CLEC16A: variants seen among roughly 807,000 people sequenced by gnomAD.
The protein encoded by CLEC16A is protein CLEC16A.
Under a neutral mutation model 109.5 loss-of-function variants are expected in CLEC16A, and 51 were observed. The observed-to-expected ratio is 0.47, with a 90% CI of 0.37 to 0.59. The LOEUF (loss-of-function observed/expected upper bound fraction) is 0.59, where lower values mean the gene tolerates loss of function less well. Among genes scored for constraint, CLEC16A ranks in the 20% least tolerant of loss-of-function variants. The pLI is 0.00. For synonymous variants in CLEC16A, 673 were observed against 564.2 expected (o/e 1.19, Z -2.73); for missense variants, 1,339 against 1,394.0 (o/e 0.96, Z 0.63).
At chr16:10,969,711 A>G (rs2042689923) in intron 4 of CLEC16A, among the ~76,000 whole-genome samples, 1 of 152,156 alleles carries the variant, frequency 6.6e-6, no homozygotes, top group Non-Finnish European at 1.5e-5. Flanking sequence ...GGTAGAGAGG[A>G]GACATGCCCA....
At chr16:11,017,490 C>G (rs9935174) in intron 11 of CLEC16A, among the ~76,000 whole-genome samples, 1 of 151,988 alleles carries the variant, frequency 6.6e-6, no homozygotes, top group Non-Finnish European at 1.5e-5. Flanking sequence ...TATGGAGATA[C>G]GCGAAGACGT....
At chr16:11,143,890 T>C (rs2053946066) in intron 22 of CLEC16A, among the ~76,000 whole-genome samples, 1 of 152,192 alleles carries the variant, frequency 6.6e-6, no homozygotes, top group Non-Finnish European at 1.5e-5. Flanking sequence ...CAGTGTCCTA[T>C]CCTGGCTTGG....
chr16:11,170,761 C>G lies in CLEC16A; in HGVS notation c.2806+4209C>G, dbSNP rs747004022. On this transcript the variant is annotated intron_variant, in intron 23 of 23. Coordinates refer to ENST00000409790, the MANE Select transcript of CLEC16A (RefSeq NM_015226.3). ...CCTACTGTGCACAGCATTCGGGATA[C>G]AATGTGGCAAAAAGCATGATCTTGC... Among the ~76,000 whole-genome samples the G allele has an allele frequency of 1.3e-3, 198 of 152,178 alleles. 1 individual carries two copies. The highest frequency in any genetic ancestry group is 1.7e-3 in the Non-Finnish European group (114 of 68,028).
intron 19 of CLEC16A, among the ~76,000 whole-genome samples, chr16:11,116,317 C>G (rs1241588720): frequency 6.6e-6 from 1 of 151,932 alleles, no homozygotes; most frequent in Non-Finnish European, 1.5e-5. Flanking sequence ...ATCACTTGAA[C>G]CCAGGAGGCA....
chr16:11,111,095 A>T (rs992817813), intron 19 of CLEC16A, among the ~76,000 whole-genome samples: 2 of 151,988 alleles, frequency 1.3e-5, no homozygotes, highest in Non-Finnish European at 2.9e-5. Context: ...TGCAGCATGT[A>T]GCTTCTTGGT....
intron 18 of CLEC16A, among the ~76,000 whole-genome samples, chr16:11,054,832 G>A (rs149575117): frequency 6.6e-6 from 1 of 152,122 alleles, no homozygotes; most frequent in East Asian, 1.9e-4. Flanking sequence ...AAGTTACATG[G>A]TTTAGCAAGC....
At chr16:11,113,107 G>A (rs890244488) in intron 19 of CLEC16A, among the ~76,000 whole-genome samples, 8 of 152,200 alleles carry the variant, frequency 5.3e-5, no homozygotes, top group African/African-American at 1.9e-4. Context: ...ACTCACACTT[G>A]GAAACATCCA....
intron 1 of CLEC16A, among the ~76,000 whole-genome samples, chr16:10,953,489 A>G (rs903240445): frequency 1.3e-5 from 2 of 152,262 alleles, no homozygotes; most frequent in East Asian, 3.8e-4. Context: ...GATACAAGAA[A>G]CACCATCCAA....
intron 22 of CLEC16A, among the ~76,000 whole-genome samples, chr16:11,132,443 C>T (rs934004213): frequency 6.6e-6 from 1 of 152,070 alleles, no homozygotes; most frequent in African/African-American, 2.4e-5. Context: ...CGTTGTTTTG[C>T]TTCCACCTTC....
chr16:11,022,337 CTTTTTTT>C (rs36094157), intron 12 of CLEC16A, among the ~76,000 whole-genome samples: 4 of 93,474 alleles, frequency 4.3e-5, no homozygotes, highest in South Asian at 3.7e-4. Flanking sequence ...GTCTGGCTAC[CTTTTTTT>C]TTTTTTTTTT....
At chr16:11,105,969 A>G (rs1460188843) in intron 19 of CLEC16A, among the ~76,000 whole-genome samples, 1 of 152,176 alleles carries the variant, frequency 6.6e-6, no homozygotes, top group Non-Finnish European at 1.5e-5. Flanking sequence ...GCTCCATCCA[A>G]ACTCTTTCCA....
intron 23 of CLEC16A, among the ~76,000 whole-genome samples, chr16:11,168,336 A>T (rs551123927): frequency 6.6e-6 from 1 of 152,168 alleles, no homozygotes; most frequent in African/African-American, 2.4e-5. Context: ...TCCAGTGGCT[A>T]TTAACTTGGC....
intron 13 of CLEC16A, chr16:11,027,599 T>G (rs1378553219): frequency 6.4e-7 from 1 of 1,558,876 alleles, no homozygotes; most frequent in Non-Finnish European, 8.7e-7. Context: ...TTCATGAAAT[T>G]GCATTCCCAG....
intron 11 of CLEC16A, among the ~76,000 whole-genome samples, chr16:11,019,022 C>A (rs981750743): frequency 1.3e-5 from 2 of 152,304 alleles, no homozygotes; most frequent in Admixed American, 6.5e-5. Context: ...TGGCAGACGT[C>A]CCTGCATGAG....
Position 11,174,036 on chromosome 16 carries a change from C to G in CLEC16A, c.2807-4299C>G, listed in dbSNP as rs978758986. 2.6e-6 allele frequency: 1 copy of G among 377,502 alleles called. No homozygotes were observed. Among genetic ancestry groups the G allele is most frequent in the East Asian group, 7.7e-5 (1 of 12,948 alleles). The allele number at this position is 377,502 out of a possible 1,614,324, so 23.4% of individuals were successfully genotyped here. A position where few individuals can be genotyped will look rare whatever the true frequency, so the allele number is the denominator to read the frequency against. On this transcript the variant is annotated intron_variant, in intron 23 of 23. Transcript: ENST00000409790. This position sits in a 1 kb window ranked among gnomAD's most constrained non-coding sequence, Gnocchi z 4.7. ...CAAGCCCATGCTGGGCACTGCCCCA[C>G]GACCCTCGCCCCTCGTCAGTGCTCA...
At chr16:11,096,881 G>A (rs1436731384) in intron 19 of CLEC16A, among the ~76,000 whole-genome samples, 2 of 152,082 alleles carry the variant, frequency 1.3e-5, no homozygotes, top group Non-Finnish European at 2.9e-5. Flanking sequence ...CAAAGGGAGG[G>A]ACATAATCTA....
intron 16 of CLEC16A, 150 bp downstream of exon 16, chr16:11,044,222 C>G (rs2152860881): frequency 1.7e-6 from 1 of 588,666 alleles, no homozygotes; most frequent in Non-Finnish European, 2.6e-6. Context: ...TTCATAGTCC[C>G]TAGAGTAGCA....
intron 22 of CLEC16A, among the ~76,000 whole-genome samples, chr16:11,136,556 C>T (rs566616866): frequency 1.3e-5 from 2 of 152,296 alleles, no homozygotes; most frequent in African/African-American, 4.8e-5. Flanking sequence ...TCAATTAGCA[C>T]GAACAAAATT....
Position 11,152,774 on chromosome 16 carries a change from G to C in CLEC16A, c.2642-13614G>C, listed in dbSNP as rs549979269. Among the ~76,000 whole-genome samples, 6 of 152,306 alleles carry C rather than the reference G, an allele frequency of 3.9e-5. No homozygotes were observed. The South Asian group carries it at 6.2e-4, about 16-fold the overall frequency. On this transcript the variant is annotated intron_variant, in intron 22 of 23. Coordinates refer to ENST00000409790, the MANE Select transcript of CLEC16A (RefSeq NM_015226.3). ...CCCACAATCTCGCCAGTCAGGTGGTGACGGCATCTTTCCTCCAGCCTCCCT... is the reference window on the plus strand; with the variant it reads ...CCCACAATCTCGCCAGTCAGGTGGTCACGGCATCTTTCCTCCAGCCTCCCT...
Sources: gnomAD v4.1 joint callset for allele counts (sites outside exome capture counted in the v4.1 genomes callset) on GRCh38, gnomAD v4.1.1 for gene constraint, Gnocchi (gnomAD v3.1) non-coding constraint, MANE v1.5 for transcripts, NCBI Gene and HGNC (gene_info 2026-07-23, HGNC 2026-07-21) for gene names.